LMBR1: variants seen among roughly 807,000 people sequenced by gnomAD.
LMBR1 encodes the protein limb region 1 protein homolog.
A neutral mutation model predicts 73.9 loss-of-function variants in LMBR1; 52 were observed. That is an observed-to-expected ratio of 0.70 (90% CI 0.56 to 0.89). LMBR1 has a LOEUF of 0.89. Among genes scored for constraint, LMBR1 ranks in the 40% least tolerant of loss-of-function variants. LMBR1 has a pLI of 0.00. For synonymous variants in LMBR1, 215 were observed against 209.4 expected, an observed-to-expected ratio of 1.03 and a Z score of -0.23; for missense variants, 539 against 579.8, an observed-to-expected ratio of 0.93 and a Z score of 0.72.
At chr7:156,758,513 G>A (rs1346982630) in intron 8 of LMBR1, among the ~76,000 whole-genome samples, 1 of 152,118 alleles carries the variant, frequency 6.6e-6, no homozygotes, top group Non-Finnish European at 1.5e-5. Flanking sequence ...TCATGGGGGT[G>A]GATCTCTCAT....
In LMBR1 at chr7:156,888,213, T is replaced by A. The variant is rs547566107; in HGVS notation, c.66+4715A>T. ...ATCACGAGGTCAGGAGATCAAGACCTTCCTGGCTAACATGGTGAAACCCCG... is the reference window on the plus strand; with the variant it reads ...ATCACGAGGTCAGGAGATCAAGACCATCCTGGCTAACATGGTGAAACCCCG... On this transcript the variant is annotated intron_variant, in intron 1 of 16. Coordinates refer to ENST00000353442, the MANE Select transcript of LMBR1 (RefSeq NM_022458.4). 1.3e-3 allele frequency among the ~76,000 whole-genome samples: 198 copies of A among 151,140 alleles called. 1 individual carries two copies. Among genetic ancestry groups the A allele is most frequent in the Non-Finnish European group, 4.7e-4 (32 of 67,640 alleles).
intron 1 of LMBR1, among the ~76,000 whole-genome samples, chr7:156,842,398 G>C (rs187946721): frequency 1.3e-5 from 2 of 151,986 alleles, no homozygotes; most frequent in Non-Finnish European, 2.9e-5. Flanking sequence ...TAAGATGTGC[G>C]TTATATTATT....
chr7:156,824,268 T>C lies in LMBR1; in HGVS notation c.319+2337A>G, dbSNP rs555209277. Among the ~76,000 whole-genome samples, 8 of 152,268 alleles carry C rather than the reference T, an allele frequency of 5.3e-5. No individual in the cohort carries two copies. The East Asian group carries it at 1.4e-3, about 26-fold the overall frequency. On this transcript the variant is annotated intron_variant, in intron 4 of 16. Coordinates refer to ENST00000353442, the MANE Select transcript of LMBR1 (RefSeq NM_022458.4). ...AATAAGGGAGCGGTTGGTGTTGCTGTTGTTCTTAATACACAGGGCCACAGT... is the reference window on the plus strand; with the variant it reads ...AATAAGGGAGCGGTTGGTGTTGCTGCTGTTCTTAATACACAGGGCCACAGT...
chr7:156,672,247 T>C (rs1802701192), intron 4 of LMBR1, among the ~76,000 whole-genome samples: 2 of 152,280 alleles, frequency 1.3e-5, no homozygotes, highest in South Asian at 4.2e-4. Flanking sequence ...CCTACTATGG[T>C]CGGTGCGTGT....
intron 15 of LMBR1, among the ~76,000 whole-genome samples, chr7:156,689,688 T>G (rs114744202): frequency 5.3e-5 from 8 of 152,290 alleles, no homozygotes; most frequent in Admixed American, 2.0e-4. Context: ...TACAATAAAA[T>G]AGCTTTTTTA....
chr7:156,760,663 T>C (rs1822804416), intron 8 of LMBR1, among the ~76,000 whole-genome samples: 1 of 152,238 alleles, frequency 6.6e-6, no homozygotes, highest in Non-Finnish European at 1.5e-5. Flanking sequence ...GCAGCATGTG[T>C]GTGGTACACA....
chr7:156,857,671 C>T (rs1469710868), intron 1 of LMBR1, among the ~76,000 whole-genome samples: 5 of 152,140 alleles, frequency 3.3e-5, no homozygotes, highest in East Asian at 1.9e-4. Context: ...CTCAAGCTCA[C>T]GTGAAAACAC....
At chr7:156,872,869 G>A (rs1036875533) in intron 1 of LMBR1, among the ~76,000 whole-genome samples, 35 of 152,166 alleles carry the variant, frequency 2.3e-4, no homozygotes, top group Admixed American at 1.9e-3. Context: ...AAAGCCTAGA[G>A]AACCGAAAGA....
intron 15 of LMBR1, among the ~76,000 whole-genome samples, chr7:156,715,745 T>TTTCA (rs1813070953): frequency 6.6e-6 from 1 of 152,216 alleles, no homozygotes; most frequent in Non-Finnish European, 1.5e-5. Context: ...GACTGGCTTA[T>TTTCA]TTCACTTAAA....
At chr7:156,802,674 A>G (rs1490440831) in intron 4 of LMBR1, among the ~76,000 whole-genome samples, 3 of 152,188 alleles carry the variant, frequency 2.0e-5, no homozygotes, top group Admixed American at 2.0e-4. Context: ...TGTCATGAGA[A>G]TGCACCAATG....
At chr7:156,673,567 T>C (rs1158086122), downstream of LMBR1, among the ~76,000 whole-genome samples, 2 of 152,166 alleles carry the variant, frequency 1.3e-5, no homozygotes, top group Non-Finnish European at 2.9e-5. Flanking sequence ...AAAAGCAGCT[T>C]CCACCAGGCT....
intron 9 of LMBR1, among the ~76,000 whole-genome samples, chr7:156,747,236 A>G (rs1331834581): frequency 6.6e-6 from 1 of 152,160 alleles, no homozygotes; most frequent in Non-Finnish European, 1.5e-5. Context: ...TTCAGAGCCA[A>G]TAACTTTGAT....
chr7:156,890,767 C>T (rs564253133), intron 1 of LMBR1, among the ~76,000 whole-genome samples: 1 of 152,316 alleles, frequency 6.6e-6, no homozygotes, highest in African/African-American at 2.4e-5. Context: ...CTGGTACAAC[C>T]ACTTTGGAAA....
At chr7:156,870,087 A>T (rs1454062655) in intron 1 of LMBR1, among the ~76,000 whole-genome samples, 1 of 152,234 alleles carries the variant, frequency 6.6e-6, no homozygotes, top group Non-Finnish European at 1.5e-5. Context: ...ACAGAACTAA[A>T]GGGAGAAATA....
intron 2 of LMBR1, 24 bp from the exon 3 acceptor site, chr7:156,833,816 A>C (rs745439686): frequency 6.8e-7 from 1 of 1,464,830 alleles, no homozygotes; most frequent in Admixed American, 2.0e-5. Context: ...TAAGGTATTA[A>C]TATTCCTTTA....
At chr7:156,675,445 A>G (rs968351689), downstream of LMBR1, among the ~76,000 whole-genome samples, 1 of 152,218 alleles carries the variant, frequency 6.6e-6, no homozygotes, top group African/African-American at 2.4e-5. Context: ...TAAAATATTC[A>G]GTATGCCAAG....
intron 15 of LMBR1, among the ~76,000 whole-genome samples, chr7:156,690,157 A>T (rs6959761): frequency 0.16 from 24,001 of 152,100 alleles, 2,513 homozygotes; most frequent in African/African-American, 0.3. Flanking sequence ...ATTTTTTTTA[A>T]CATATACTAC....
At chr7:156,840,503 C>T (rs1262379236) in intron 1 of LMBR1, among the ~76,000 whole-genome samples, 1 of 151,950 alleles carries the variant, frequency 6.6e-6, no homozygotes, top group African/African-American at 2.4e-5. Context: ...AAGTAAGAGA[C>T]AAGGTCAGAA....
At chr7:156,875,174 T>C (rs552386577) in intron 1 of LMBR1, among the ~76,000 whole-genome samples, 8 of 152,034 alleles carry the variant, frequency 5.3e-5, no homozygotes, top group Non-Finnish European at 1.2e-4. Context: ...GTCTCAGCAA[T>C]AGACTCAAAT....
Sources: gnomAD v4.1 joint callset for allele counts (sites outside exome capture counted in the v4.1 genomes callset) on GRCh38, gnomAD v4.1.1 for gene constraint, MANE v1.5 for transcripts, NCBI Gene and HGNC (gene_info 2026-07-23, HGNC 2026-07-21) for gene names.